The following RYR3 variants were observed in gnomAD, a reference collection of about 807,000 sequenced individuals.
RYR3 encodes the protein ryanodine receptor 3, also known as brain ryanodine receptor-calcium release channel.
RYR3 carries 207 observed loss-of-function variants against 584.3 expected under a neutral mutation model. The ratio of observed to expected loss-of-function variants is 0.35; its 90% CI spans 0.32 to 0.40. The LOEUF (loss-of-function observed/expected upper bound fraction) is 0.40. Ranked by LOEUF, RYR3 falls within the 10% of genes least tolerant of loss-of-function variation. The pLI is 1.00. For synonymous variants in RYR3, 2,416 were observed against 2,248.5 expected, an observed-to-expected ratio of 1.07 and a Z score of -2.11; for missense variants, 5,616 against 6,089.2, an observed-to-expected ratio of 0.92 and a Z score of 2.59.
chr15:33,373,824 GA>G (rs1366674252), intron 1 of RYR3, among the ~76,000 whole-genome samples: 24 of 152,044 alleles, frequency 1.6e-4, no homozygotes, highest in Admixed American at 1.4e-3. Flanking sequence ...GTATGAATGA[GA>G]AAAAAGGCAG....
intron 1 of RYR3, among the ~76,000 whole-genome samples, chr15:33,444,034 A>G (rs1260144756): frequency 6.6e-6 from 1 of 152,236 alleles, no homozygotes; most frequent in Non-Finnish European, 1.5e-5. Flanking sequence ...AGTGTGCCTG[A>G]AATGAATTTG....
At chr15:33,624,334 G>A (rs948326744) in intron 20 of RYR3, among the ~76,000 whole-genome samples, 25 of 152,092 alleles carry the variant, frequency 1.6e-4, no homozygotes, top group African/African-American at 5.8e-4. Flanking sequence ...TTTTTTAAAA[G>A]GCCAAATGTA....
At position 33,662,466 on chromosome 15, in the gene RYR3, G is replaced by C. The variant is rs376032202; in HGVS notation, c.4936G>C (p.Glu1646Gln). ...TTRNIRLFPD[E>Q]SKRHGLPGVG... Reference sequence around the variant, plus strand: ...CAGGAATATCCGCCTCTTCCCGGACGAGTCCAAGAGGCATGGACTGCCTGG... The same window carrying C: ...CAGGAATATCCGCCTCTTCCCGGACCAGTCCAAGAGGCATGGACTGCCTGG... Residue 1646 changes from glutamate (E) to glutamine (Q), a missense_variant, in exon 35 of 104, where the codon GAG becomes CAG. By Grantham distance (29) the Glu-to-Gln change is conservative. Coordinates refer to ENST00000634891, the MANE Select transcript of RYR3 (RefSeq NM_001036.6). The C allele has an allele frequency of 1.2e-6, 2 of 1,613,996 alleles. No homozygotes were observed. Among genetic ancestry groups the C allele is most frequent in the East Asian group, 4.5e-5 (2 of 44,888 alleles).
rs940482272 is a variant in RYR3, at chr15:33,834,856, A to G, written c.11464-112A>G. ...AAAATACTGAGCTATGAAATATTTG[A>G]CTTTTGGAAAGTCTATCTGCTCATA... On this transcript the variant is annotated intron_variant, in intron 86 of 103. Coordinates refer to ENST00000634891, the MANE Select transcript of RYR3 (RefSeq NM_001036.6). The G allele has an allele frequency of 4.0e-5, 26 of 651,650 alleles. No homozygotes were observed. In the African/African-American group the frequency reaches 4.6e-4, roughly 11 times the overall value. 40.4% of individuals were successfully genotyped at this position (651,650 alleles called of 1,614,324 possible).
intron 74 of RYR3, among the ~76,000 whole-genome samples, chr15:33,814,316 T>A (rs17817632): frequency 0.27 from 40,786 of 151,988 alleles, 5,692 homozygotes; most frequent in South Asian, 0.35. Flanking sequence ...CTTGGGTCAA[T>A]AAACAAAGCT....
chr15:33,529,237 A>G (rs1034320470), intron 3 of RYR3, among the ~76,000 whole-genome samples: 2 of 152,254 alleles, frequency 1.3e-5, no homozygotes, highest in African/African-American at 4.8e-5. Flanking sequence ...AGCTGTGGGA[A>G]AAAGCGCAGC....
chr15:33,654,582 A>T (rs1343028406), intron 32 of RYR3, among the ~76,000 whole-genome samples: 3 of 152,090 alleles, frequency 2.0e-5, no homozygotes, highest in African/African-American at 4.8e-5. Flanking sequence ...AAGAAGTATC[A>T]TGGAGATAGG....
intron 60 of RYR3, among the ~76,000 whole-genome samples, chr15:33,766,361 ATTAC>A (rs143511641): frequency 0.012 from 1,790 of 152,224 alleles, 42 homozygotes; most frequent in African/African-American, 0.04. Flanking sequence ...CTGCACCCTA[ATTAC>A]TTACTCTAAG....
intron 18 of RYR3, among the ~76,000 whole-genome samples, chr15:33,604,146 G>A (rs775877215): frequency 9.2e-5 from 14 of 152,178 alleles, no homozygotes; most frequent in Middle Eastern, 3.2e-3. Context: ...GAGACGTCGC[G>A]TCCCTTATAG....
At chr15:33,386,810 T>C (rs2596204) in intron 1 of RYR3, among the ~76,000 whole-genome samples, 115,865 of 152,128 alleles carry the variant, frequency 0.76, 44,245 homozygotes, top group Non-Finnish European at 0.79. Flanking sequence ...TAGTGCAATG[T>C]CTTAACATTC....
chr15:33,807,300 A>G (rs2879435), intron 69 of RYR3, among the ~76,000 whole-genome samples: 47,202 of 151,942 alleles, frequency 0.31, 8,296 homozygotes, highest in African/African-American at 0.48. Flanking sequence ...AGTGCCACAC[A>G]CTCTAGAAGG....
Position 33,383,322 on chromosome 15 carries a change from A to C in RYR3, c.51+72226A>C, listed in dbSNP as rs527801620. ...TCTAGTGTTGCCGTCATGAGAGAGG[A>C]AAAAATAGAAAAAGGCCAGAAAAAT... On this transcript the variant is annotated intron_variant, in intron 1 of 103. Transcript: ENST00000634891. Among the ~76,000 whole-genome samples, 176 of 147,666 alleles carry C rather than the reference A, an allele frequency of 1.2e-3. 2 individuals are homozygous for C. The highest frequency in any genetic ancestry group is 4.3e-3 in the African/African-American group (172 of 39,702).
Position 33,746,149 on chromosome 15 carries a change from A to T in RYR3, c.7981A>T (p.Thr2661Ser). The part of the protein sequence containing the change: ...HPLIRPFKTL[T>S]EKEKEIYRWP... ...ACTGATAAGGCCTTTCAAGACATTA[A>T]CGGAGAAGGTAAGAAGCAGGCCTCT... is the stretch of plus-strand genomic sequence containing the variant. Residue 2661 changes from threonine (T) to serine (S), a missense_variant, in exon 53 of 104, where the codon ACG (threonine) becomes TCG (serine). Physicochemically the swap from Thr to Ser is moderately conservative, Grantham distance 58. Coordinates refer to ENST00000634891, the MANE Select transcript of RYR3 (RefSeq NM_001036.6). 6.3e-7 allele frequency: 1 copy of T among 1,592,336 alleles called. No individual in the cohort carries two copies. The highest frequency in any genetic ancestry group is 2.3e-5 in the East Asian group (1 of 44,142).
At chr15:33,548,798 C>T (rs1194829130) in intron 9 of RYR3, among the ~76,000 whole-genome samples, 1 of 152,156 alleles carries the variant, frequency 6.6e-6, no homozygotes, top group Admixed American at 6.5e-5. Context: ...GGATCACTTT[C>T]AATGCAGGAC....
At chr15:33,572,302 G>A (rs2058065439) in intron 12 of RYR3, among the ~76,000 whole-genome samples, 1 of 151,908 alleles carries the variant, frequency 6.6e-6, no homozygotes, top group Admixed American at 6.6e-5. Flanking sequence ...TTACTGTTTG[G>A]TGTCATTTTC....
At chr15:33,447,947 C>T (rs2046811508) in intron 1 of RYR3, among the ~76,000 whole-genome samples, 1 of 151,988 alleles carries the variant, frequency 6.6e-6, no homozygotes, top group African/African-American at 2.4e-5. Context: ...GTTGGGTCCC[C>T]CAAATTGGAA....
chr15:33,312,438 C>T (rs1967469766), intron 1 of RYR3, among the ~76,000 whole-genome samples: 1 of 152,170 alleles, frequency 6.6e-6, no homozygotes, highest in Non-Finnish European at 1.5e-5. Context: ...GAGTATTCAT[C>T]TCTTCATCCT....
chr15:33,642,758 T>TA (rs2061902129), intron 27 of RYR3, among the ~76,000 whole-genome samples: 1 of 152,214 alleles, frequency 6.6e-6, no homozygotes, highest in Admixed American at 6.5e-5. Context: ...CTCAGGATGT[T>TA]ACATGCACAG....
chr15:33,865,405 C>A lies in RYR3; in HGVS notation c.*179C>A. On this transcript the variant is annotated 3_prime_UTR_variant, in exon 104 of 104. Transcript: ENST00000634891. ...GATTTGGCTTTTTGTGCCTAATGGACATACACTGTGGGAGAGAACCTGTCA... is the reference window on the plus strand; with the variant it reads ...GATTTGGCTTTTTGTGCCTAATGGAAATACACTGTGGGAGAGAACCTGTCA... 1.7e-6 allele frequency: 1 copy of A among 575,324 alleles called. No individual in the cohort carries two copies. Among genetic ancestry groups the A allele is most frequent in the Non-Finnish European group, 3.1e-6 (1 of 324,008 alleles). The allele number at this position is 575,324 out of a possible 1,614,324, so 35.6% of individuals were successfully genotyped here.
Sources: allele counts gnomAD v4.1 joint callset (sites outside exome capture counted in the v4.1 genomes callset), GRCh38; gene constraint gnomAD v4.1.1; transcripts MANE v1.5; gene names NCBI Gene and HGNC (gene_info 2026-07-23, HGNC 2026-07-21).